ROBO2: variants seen among roughly 807,000 people sequenced by gnomAD.
ROBO2 encodes roundabout guidance receptor 2.
A neutral mutation model predicts 160.8 loss-of-function variants in ROBO2; 53 were observed. The ratio of observed to expected loss-of-function variants is 0.33; its 90% confidence interval spans 0.26 to 0.41. The LOEUF (loss-of-function observed/expected upper bound fraction) is 0.41. Among genes scored for constraint, ROBO2 ranks in the 10% least tolerant of loss-of-function variants. The pLI is 1.00. For synonymous variants in ROBO2, 664 were observed against 611.7 expected, an observed-to-expected ratio of 1.09 and a Z score of -1.26; for missense variants, 1,577 against 1,722.4, an observed-to-expected ratio of 0.92 and a Z score of 1.49.
rs940720798 is a variant in ROBO2, at chr3:76,492,673, G to A, written c.109+555071G>A. On this transcript the variant is annotated intron_variant, in intron 2 of 26. Coordinates refer to the ROBO2 transcript ENST00000487694. ...ACTGTTTTTACCTGATTTGTCCATC[G>A]TCTTGTATGAATTAGCCATTAACGA... Among the ~76,000 whole-genome samples, 10 of 151,872 alleles carry A rather than the reference G, an allele frequency of 6.6e-5. No homozygotes were observed. In the South Asian group the frequency reaches 1.0e-3, roughly 16 times the overall value.
chr3:76,768,103 G>A (rs968399658), intron 2 of ROBO2, among the ~76,000 whole-genome samples: 3 of 151,226 alleles, frequency 2.0e-5, no homozygotes, highest in Non-Finnish European at 4.4e-5. Context: ...ATCAGTGTAC[G>A]TCCTATGATA....
At position 77,004,792 on chromosome 3, in the gene ROBO2, C is replaced by G. The variant is rs935648690; in HGVS notation, c.110-93222C>G. 1.6e-4 allele frequency among the ~76,000 whole-genome samples: 24 copies of G among 152,256 alleles called. No homozygotes were observed. In the Middle Eastern group the frequency reaches 0.01, roughly 65 times the overall value. On this transcript the variant is annotated intron_variant, in intron 2 of 26. Transcript: ENST00000487694. ...ATGATGATGACATAAACCATTCCTT[C>G]TATAAAGTTAGACTCCATCCGCCTT... is the stretch of plus-strand genomic sequence containing the variant.
At chr3:77,400,628 A>G (rs1454438093) in intron 2 of ROBO2, among the ~76,000 whole-genome samples, 1 of 152,060 alleles carries the variant, frequency 6.6e-6, no homozygotes, top group Non-Finnish European at 1.5e-5. Flanking sequence ...TTTTCTTCTG[A>G]GTCACACTTC....
At chr3:76,239,900 T>C (rs7634019) in intron 2 of ROBO2, among the ~76,000 whole-genome samples, 105,155 of 151,888 alleles carry the variant, frequency 0.69, 39,535 homozygotes, top group Non-Finnish European at 0.86. Flanking sequence ...TAGGTGCAGA[T>C]TGTCAGAGAA....
At chr3:76,678,262 C>A (rs865898490) in intron 2 of ROBO2, among the ~76,000 whole-genome samples, 2 of 152,168 alleles carry the variant, frequency 1.3e-5, no homozygotes, top group Middle Eastern at 3.4e-3. Context: ...TGAGCCAACA[C>A]ACCTGGCTGA....
chr3:76,998,173 C>T (rs762045531), intron 2 of ROBO2, among the ~76,000 whole-genome samples: 1 of 152,140 alleles, frequency 6.6e-6, no homozygotes, highest in Non-Finnish European at 1.5e-5. Flanking sequence ...AGTTATTATA[C>T]TGGCCTACAT....
At chr3:76,731,477 C>G (rs929290877) in intron 2 of ROBO2, among the ~76,000 whole-genome samples, 1 of 151,454 alleles carries the variant, frequency 6.6e-6, no homozygotes, top group Admixed American at 6.6e-5. Context: ...TTCTAGGACA[C>G]AAAATGTTTT....
chr3:77,049,164 A>C (rs757543321), intron 1 of ROBO2, among the ~76,000 whole-genome samples: 36 of 152,178 alleles, frequency 2.4e-4, no homozygotes, highest in Non-Finnish European at 4.7e-4. Context: ...CCCTGTCTCT[A>C]CAAAAAAGAA....
intron 2 of ROBO2, among the ~76,000 whole-genome samples, chr3:76,027,688 A>G (rs955113331): frequency 6.6e-6 from 1 of 152,000 alleles, no homozygotes; most frequent in African/African-American, 2.4e-5. Context: ...AGGAAAAGCT[A>G]AAGAGAGATT....
intron 2 of ROBO2, among the ~76,000 whole-genome samples, chr3:76,884,184 G>C (rs2073648215): frequency 6.6e-6 from 1 of 152,210 alleles, no homozygotes; most frequent in Admixed American, 6.5e-5. Context: ...GTTTTATAAT[G>C]TAACAGTTAC....
intron 2 of ROBO2, among the ~76,000 whole-genome samples, chr3:76,875,748 A>T (rs778454607): frequency 6.6e-6 from 1 of 152,202 alleles, no homozygotes; most frequent in African/African-American, 2.4e-5. Context: ...TCTGCTTCCC[A>T]GGTTCAAGCA....
intron 2 of ROBO2, among the ~76,000 whole-genome samples, chr3:77,446,662 T>C (rs563607557): frequency 6.6e-6 from 1 of 152,162 alleles, no homozygotes; most frequent in Admixed American, 6.5e-5. Flanking sequence ...ATGAAACTAT[T>C]CCCACATATT....
chr3:76,212,660 T>A (rs1477699438), intron 2 of ROBO2, among the ~76,000 whole-genome samples: 3 of 152,090 alleles, frequency 2.0e-5, no homozygotes, highest in Non-Finnish European at 2.9e-5. Flanking sequence ...GTGGTAGGAT[T>A]TATCCATTTG....
intron 2 of ROBO2, among the ~76,000 whole-genome samples, chr3:76,453,257 A>T (rs2077569521): frequency 6.6e-6 from 1 of 152,192 alleles, no homozygotes; most frequent in Admixed American, 6.5e-5. Flanking sequence ...GTCCATGCCT[A>T]TGTCCTGAAT....
chr3:76,751,454 G>A (rs1025558176), intron 2 of ROBO2, among the ~76,000 whole-genome samples: 14 of 152,132 alleles, frequency 9.2e-5, no homozygotes, highest in African/African-American at 2.9e-4. Context: ...TTGAGAAATG[G>A]GATCTAATTA....
intron 2 of ROBO2, among the ~76,000 whole-genome samples, chr3:76,739,073 G>A (rs1014608849): frequency 6.6e-6 from 1 of 152,104 alleles, no homozygotes; most frequent in South Asian, 2.1e-4. Context: ...TCAGTGTGGC[G>A]ATTCCTCAGG....
At chr3:76,245,213 A>G (rs922270414) in intron 2 of ROBO2, among the ~76,000 whole-genome samples, 3 of 152,228 alleles carry the variant, frequency 2.0e-5, no homozygotes, top group Non-Finnish European at 4.4e-5. Context: ...CAATATTGAC[A>G]TAAGTATTTG....
intron 2 of ROBO2, among the ~76,000 whole-genome samples, chr3:76,998,788 T>C (rs2061173874): frequency 6.6e-6 from 1 of 152,100 alleles, no homozygotes; most frequent in Admixed American, 6.6e-5. Flanking sequence ...TCTGGAAAGG[T>C]TGAATTAAGT....
chr3:77,546,241 G>T, intron 6 of ROBO2, 97 bp from the exon 8 acceptor site: 2 of 1,294,076 alleles, frequency 1.5e-6, no homozygotes, highest in Non-Finnish European at 1.1e-6. Context: ...TCTCTCTCTG[G>T]CACTGAACAG....
Sources: gnomAD v4.1 joint callset for allele counts (sites outside exome capture counted in the v4.1 genomes callset) on GRCh38, gnomAD v4.1.1 for gene constraint, MANE v1.5 for transcripts, NCBI Gene and HGNC (gene_info 2026-07-23, HGNC 2026-07-21) for gene names.